Variants in CCDC171 observed in about 807,000 individuals in gnomAD.
CCDC171 encodes the protein coiled-coil domain-containing protein 171.
In CCDC171, 177 loss-of-function variants were observed where a neutral mutation model predicts 168.2. That is an observed-to-expected ratio of 1.05 (90% CI 0.93 to 1.19). CCDC171 has a LOEUF of 1.19. CCDC171 is among the 50% of genes most tolerant of loss of function. The probability of loss-of-function intolerance (pLI) is 0.00; values close to 1 mark genes in which losing one functional copy is unlikely to be tolerated. For synonymous variants in CCDC171, 687 were observed against 540.8 expected, an observed-to-expected ratio of 1.27 and a Z score of -3.75; for missense variants, 1,991 against 1,539.0, an observed-to-expected ratio of 1.29 and a Z score of -4.91.
chr9:15,663,872 C>A (rs889072462), intron 8 of CCDC171, among the ~76,000 whole-genome samples: 4 of 152,120 alleles, frequency 2.6e-5, no homozygotes, highest in Admixed American at 1.3e-4. Context: ...TCCCAAAGTG[C>A]CGGGATTACA....
chr9:15,610,875 TGA>T, intron 6 of CCDC171, among the ~76,000 whole-genome samples: 1 of 152,218 alleles, frequency 6.6e-6, no homozygotes, highest in African/African-American at 2.4e-5. Context: ...TTATTTTCTC[TGA>T]GTGTTTGGCT....
the CCDC171 span, among the ~76,000 whole-genome samples, chr9:16,102,833 G>T: frequency 6.6e-6 from 1 of 152,150 alleles, no homozygotes; most frequent in African/African-American, 2.4e-5. Context: ...CTGAGTGTCT[G>T]GAGATGTGAG....
intron 21 of CCDC171, among the ~76,000 whole-genome samples, chr9:15,819,057 G>T (rs61539488): frequency 0.075 from 8,710 of 115,890 alleles, 2,733 homozygotes; most frequent in African/African-American, 0.2. Flanking sequence ...TTAAAGAAAA[G>T]AATTTTCAAC....
At chr9:16,092,454 T>G in the CCDC171 span, among the ~76,000 whole-genome samples, 1 of 152,200 alleles carries the variant, frequency 6.6e-6, no homozygotes, top group Non-Finnish European at 1.5e-5. Context: ...CATCGGGAAC[T>G]GTTTTCTGCA....
chr9:15,768,868 C>T (rs748794924), intron 18 of CCDC171, among the ~76,000 whole-genome samples: 9 of 152,186 alleles, frequency 5.9e-5, no homozygotes, highest in African/African-American at 1.4e-4. Context: ...TATCTTCATC[C>T]GCAGTATCAG....
At chr9:15,962,170 C>G (rs773400348) in intron 25 of CCDC171, among the ~76,000 whole-genome samples, 1 of 152,096 alleles carries the variant, frequency 6.6e-6, no homozygotes, top group Non-Finnish European at 1.5e-5. Flanking sequence ...GGGGCTAATG[C>G]TTGTAACAGA....
chr9:16,068,728 G>A, the CCDC171 span, among the ~76,000 whole-genome samples: 18 of 146,680 alleles, frequency 1.2e-4, no homozygotes, highest in Admixed American at 2.7e-4. Flanking sequence ...TTAGGATGAC[G>A]ATTACATACA....
rs34798326 is a variant in CCDC171, at chr9:15,996,417, CTTT to C, written n.369-24150_369-24148del. Among the ~76,000 whole-genome samples the C allele has an allele frequency of 8.2e-3, 530 of 64,592 alleles. 3 individuals carry two copies. The highest frequency in any genetic ancestry group is 0.029 in the African/African-American group (508 of 17,760). 42.4% of individuals were successfully genotyped at this position (64,592 alleles called of 152,430 possible). On this transcript the variant is annotated intron_variant and non_coding_transcript_variant, in intron 3 of 9. Coordinates refer to the CCDC171 transcript ENST00000486641. ...GGCAGCTGAATGGGGCTAGGAGGCT[CTTT>C]TTTTTTTTTTTTTTTTTTTTTGCGG...
chr9:15,718,392 G>T lies in CCDC171; in HGVS notation c.1319-3377G>T, dbSNP rs188441119. ...GCATCTCTGGATCTTCCCAGGACCTGGGGGAGCTTGCCATCTTGAGGAGAA... is the reference window on the plus strand; with the variant it reads ...GCATCTCTGGATCTTCCCAGGACCTTGGGGAGCTTGCCATCTTGAGGAGAA... On this transcript the variant is annotated intron_variant, in intron 11 of 25. Coordinates refer to ENST00000380701, the MANE Select transcript of CCDC171 (RefSeq NM_173550.4). 2.6e-5 allele frequency among the ~76,000 whole-genome samples: 4 copies of T among 152,348 alleles called. No homozygotes were observed. In the East Asian group the frequency reaches 5.8e-4, roughly 22 times the overall value.
chr9:16,105,452 AC>A, the CCDC171 span, among the ~76,000 whole-genome samples: 74,732 of 151,400 alleles, frequency 0.49, 20,737 homozygotes, highest in African/African-American at 0.75. Context: ...GAAGTCCAGC[AC>A]CCCCCCCTTC....
intron 18 of CCDC171, among the ~76,000 whole-genome samples, chr9:15,747,560 C>T (rs560378316): frequency 1.3e-5 from 2 of 152,320 alleles, no homozygotes; most frequent in Admixed American, 6.5e-5. Context: ...AAGGATCAGG[C>T]AGCAATACTT....
rs536394852 is a variant in CCDC171 at position 16,056,110 on chromosome 9, GA to G, written n.90-4529del. The stretch of plus-strand genomic sequence containing the variant: ...TAAACGAAACAAAACAGATATTCAG[GA>G]AAAAAACCCAAACATTATAAATAAT... On this transcript the variant is annotated intron_variant and non_coding_transcript_variant, in intron 1 of 1. Transcript: ENST00000478913. 1.8e-3 allele frequency among the ~76,000 whole-genome samples: 271 copies of G among 152,182 alleles called. 2 individuals carry two copies. The highest frequency in any genetic ancestry group is 5.6e-3 in the African/African-American group (234 of 41,528).
intron 8 of CCDC171, among the ~76,000 whole-genome samples, chr9:16,036,864 C>A (rs1020555925): frequency 6.6e-6 from 1 of 152,124 alleles, no homozygotes; most frequent in Admixed American, 6.5e-5. Context: ...GAAATCCTGT[C>A]ATTCACAGCA....
At chr9:16,104,012 C>G in the CCDC171 span, among the ~76,000 whole-genome samples, 41 of 152,306 alleles carry the variant, frequency 2.7e-4, 2 homozygotes, top group South Asian at 8.3e-3. Context: ...AAGGTTTCCT[C>G]CCTTGGCAGA....
chr9:15,616,417 C>G (rs953618220), intron 6 of CCDC171, among the ~76,000 whole-genome samples: 8 of 151,862 alleles, frequency 5.3e-5, no homozygotes, highest in African/African-American at 4.8e-5. Context: ...TCTCATGAGA[C>G]TTCCTAAATA....
chr9:16,084,104 C>G, the CCDC171 span, among the ~76,000 whole-genome samples: 12 of 152,158 alleles, frequency 7.9e-5, no homozygotes, highest in Admixed American at 7.2e-4. Context: ...TCAATATGTT[C>G]CAGAAGTTGA....
Position 15,725,012 on chromosome 9 carries a change from C to A in CCDC171, c.1692+36C>A, listed in dbSNP as rs369815493. The A allele has an allele frequency of 6.5e-5, 95 of 1,469,972 alleles. 1 individual carries two copies. The highest frequency in any genetic ancestry group is 8.5e-5 in the Non-Finnish European group (89 of 1,049,862). 91.1% of individuals were successfully genotyped at this position (1,469,972 alleles called of 1,614,324 possible). A position where few individuals can be genotyped will look rare whatever the true frequency, so the allele number is the denominator to read the frequency against. ...AGACTCAATGACTGTCAGGAAGGGC[C>A]TTTCACTAATCTCAGTGTTATACAT... On this transcript the variant is annotated intron_variant, in intron 14 of 25. Transcript: ENST00000380701.
intron 15 of CCDC171, among the ~76,000 whole-genome samples, chr9:15,728,430 G>A (rs1273461821): frequency 2.0e-5 from 3 of 152,114 alleles, no homozygotes; most frequent in Admixed American, 6.6e-5. Context: ...TCAAAAACAT[G>A]ATCTTAAAAT....
At chr9:15,816,195 GA>G (rs2059556285) in intron 21 of CCDC171, among the ~76,000 whole-genome samples, 1 of 117,398 alleles carries the variant, frequency 8.5e-6, no homozygotes, top group South Asian at 2.7e-4. Context: ...GTCATAATTT[GA>G]AATTAGAGTT....
Sources: gnomAD v4.1 joint callset for allele counts (sites outside exome capture counted in the v4.1 genomes callset) on GRCh38, gnomAD v4.1.1 for gene constraint, MANE v1.5 for transcripts, NCBI Gene and HGNC (gene_info 2026-07-23, HGNC 2026-07-21) for gene names.